Variants in UNC5D observed in about 807,000 individuals in gnomAD.
UNC5D encodes netrin receptor UNC5D.
Under a neutral mutation model 105.4 loss-of-function variants are expected in UNC5D, and 39 were observed. That is an observed-to-expected ratio of 0.37 (90% CI 0.29 to 0.48). The LOEUF (loss-of-function observed/expected upper bound fraction) is 0.48, where lower values mean the gene tolerates loss of function less well. Ranked by LOEUF, UNC5D falls within the 20% of genes least tolerant of loss-of-function variation. The pLI is 0.98. For missense variants in UNC5D, 991 were observed against 1,202.4 expected, an observed-to-expected ratio of 0.82 and a Z score of 2.60; for synonymous variants, 452 against 450.4, an observed-to-expected ratio of 1.00 and a Z score of -0.04.
At chr8:35,664,535 C>T (rs910853423) in intron 4 of UNC5D, among the ~76,000 whole-genome samples, 7 of 152,052 alleles carry the variant, frequency 4.6e-5, no homozygotes, top group East Asian at 1.9e-4. Context: ...CATGCCACCA[C>T]GCCCAGATAA....
intron 12 of UNC5D, among the ~76,000 whole-genome samples, chr8:35,750,282 C>T (rs1830209622): frequency 6.6e-6 from 1 of 150,544 alleles, no homozygotes; most frequent in Admixed American, 6.6e-5. Context: ...TTCCCCGCCC[C>T]CCAACCCCAC....
At chr8:35,445,641 T>G (rs1807728701) in intron 1 of UNC5D, among the ~76,000 whole-genome samples, 1 of 152,080 alleles carries the variant, frequency 6.6e-6, no homozygotes, top group South Asian at 2.1e-4. Flanking sequence ...CCCAGAAGTC[T>G]ATGATCCTAT....
At chr8:35,717,841 T>G (rs1355758878) in intron 8 of UNC5D, among the ~76,000 whole-genome samples, 1 of 152,192 alleles carries the variant, frequency 6.6e-6, no homozygotes, top group African/African-American at 2.4e-5. Flanking sequence ...TCCTCTTCTC[T>G]CCTTATAACA....
At chr8:35,771,703 A>G (rs1047498615) in intron 15 of UNC5D, among the ~76,000 whole-genome samples, 1 of 152,184 alleles carries the variant, frequency 6.6e-6, no homozygotes, top group Non-Finnish European at 1.5e-5. Flanking sequence ...GGCCAACTCA[A>G]ATGCCTCCTC....
At chr8:35,288,378 C>CA (rs1032917779) in intron 1 of UNC5D, among the ~76,000 whole-genome samples, 28 of 142,074 alleles carry the variant, frequency 2.0e-4, no homozygotes, top group Non-Finnish European at 2.0e-4. Context: ...AAATGAGGGA[C>CA]AAAAAAAAAA....
intron 3 of UNC5D, among the ~76,000 whole-genome samples, chr8:35,573,172 T>C (rs1001822757): frequency 6.6e-6 from 1 of 152,218 alleles, no homozygotes; most frequent in Non-Finnish European, 1.5e-5. Flanking sequence ...GGACATACTT[T>C]TAGTAACAAG....
At chr8:35,319,742 A>G (rs1328505473) in intron 1 of UNC5D, among the ~76,000 whole-genome samples, 2 of 152,002 alleles carry the variant, frequency 1.3e-5, no homozygotes, top group Non-Finnish European at 2.9e-5. Context: ...GGTCCTCCAG[A>G]GTTGTCATGT....
chr8:35,461,975 C>T (rs1220018275), intron 1 of UNC5D, among the ~76,000 whole-genome samples: 2 of 152,120 alleles, frequency 1.3e-5, no homozygotes, highest in African/African-American at 4.8e-5. Context: ...TCAGGCCTTT[C>T]CTAATAGATG....
intron 3 of UNC5D, among the ~76,000 whole-genome samples, chr8:35,593,029 A>G (rs1270908061): frequency 6.7e-6 from 1 of 148,700 alleles, no homozygotes; most frequent in Non-Finnish European, 1.5e-5. Flanking sequence ...CCTAGGTCCC[A>G]CTGTCAGTAG....
chr8:35,548,027 G>A (rs1284743103), intron 1 of UNC5D, among the ~76,000 whole-genome samples: 3 of 152,188 alleles, frequency 2.0e-5, no homozygotes, highest in Admixed American at 6.5e-5. Flanking sequence ...AACCAGTCTA[G>A]TCTTTCCACA....
At chr8:35,302,128 C>T (rs1187944930) in intron 1 of UNC5D, among the ~76,000 whole-genome samples, 1 of 152,114 alleles carries the variant, frequency 6.6e-6, no homozygotes, top group Non-Finnish European at 1.5e-5. Context: ...TCTGTTAATC[C>T]ACTTTGGATA....
At chr8:35,549,567 T>C in intron 2 of UNC5D, 57 bp downstream of exon 2, 1 of 1,523,504 alleles carries the variant, frequency 6.6e-7, no homozygotes, top group Non-Finnish European at 8.9e-7. Flanking sequence ...TCTCCTGTGG[T>C]TATATCTCTG....
intron 1 of UNC5D, among the ~76,000 whole-genome samples, chr8:35,271,895 A>T (rs1805431097): frequency 6.6e-6 from 1 of 151,972 alleles, no homozygotes; most frequent in South Asian, 2.1e-4. Flanking sequence ...TTTGAAATAA[A>T]TTGCAGCCCT....
intron 1 of UNC5D, among the ~76,000 whole-genome samples, chr8:35,500,221 G>C (rs146260635): frequency 1.3e-5 from 2 of 152,260 alleles, no homozygotes; most frequent in African/African-American, 4.8e-5. Context: ...GGAAGTCCAA[G>C]AGCATAGTGC....
At chr8:35,712,168 G>A (rs928680544) in intron 8 of UNC5D, among the ~76,000 whole-genome samples, 3 of 152,180 alleles carry the variant, frequency 2.0e-5, no homozygotes, top group African/African-American at 4.8e-5. Flanking sequence ...CTACTCGGGA[G>A]GCTGAGGCAG....
intron 4 of UNC5D, among the ~76,000 whole-genome samples, chr8:35,608,524 C>A (rs1820461616): frequency 1.3e-5 from 2 of 152,118 alleles, no homozygotes; most frequent in African/African-American, 2.4e-5. Context: ...ATCCATCACC[C>A]AAATGACAAG....
chr8:35,692,368 T>C (rs1472769282), intron 7 of UNC5D, among the ~76,000 whole-genome samples: 2 of 152,210 alleles, frequency 1.3e-5, no homozygotes, highest in Non-Finnish European at 2.9e-5. Context: ...TCTTGGACCA[T>C]TCTAAACCTC....
chr8:35,490,224 G>A (rs556709689), intron 1 of UNC5D, among the ~76,000 whole-genome samples: 2 of 152,226 alleles, frequency 1.3e-5, no homozygotes, highest in East Asian at 3.9e-4. Context: ...ATTTTGGAGC[G>A]GGGCACTATG....
chr8:35,673,438 A>C (rs1016178915), intron 4 of UNC5D, among the ~76,000 whole-genome samples: 1 of 152,228 alleles, frequency 6.6e-6, no homozygotes, highest in Non-Finnish European at 1.5e-5. Flanking sequence ...AGCCTTTCAC[A>C]TAGTCACTAA....
Sources: gnomAD v4.1 joint callset for allele counts (sites outside exome capture counted in the v4.1 genomes callset) on GRCh38, gnomAD v4.1.1 for gene constraint, MANE v1.5 for transcripts, NCBI Gene and HGNC (gene_info 2026-07-23, HGNC 2026-07-21) for gene names.